CMIP: variants seen among roughly 807,000 people sequenced by gnomAD.
CMIP encodes c-Maf inducing protein, also known as C-Maf-inducing protein.
CMIP carries 13 observed loss-of-function variants against 97.3 expected under a neutral mutation model. That is an observed-to-expected ratio of 0.13 (90% CI 0.09 to 0.21). CMIP has a LOEUF of 0.21. CMIP is among the 10% of genes least tolerant of loss of function. CMIP has a pLI of 1.00. For synonymous variants in CMIP, 538 were observed against 436.3 expected (o/e 1.23, Z -2.91); for missense variants, 847 against 1,024.9 (o/e 0.83, Z 2.37).
At chr16:81,687,750 G>T (rs962271526) in intron 10 of CMIP, among the ~76,000 whole-genome samples, 1 of 152,132 alleles carries the variant, frequency 6.6e-6, no homozygotes, top group Non-Finnish European at 1.5e-5. Context: ...TTCTCTGGAC[G>T]CTCCCAGCTT....
intron 1 of CMIP, among the ~76,000 whole-genome samples, chr16:81,557,467 A>G (rs375414684): frequency 6.6e-6 from 1 of 152,228 alleles, no homozygotes; most frequent in Non-Finnish European, 1.5e-5. Context: ...TATGTATTAC[A>G]TATTTATGGA....
At chr16:81,632,291 G>C (rs2092173221) in intron 3 of CMIP, among the ~76,000 whole-genome samples, 1 of 152,168 alleles carries the variant, frequency 6.6e-6, no homozygotes, top group Non-Finnish European at 1.5e-5. Flanking sequence ...ATGAAAAGTT[G>C]GCCTCTACTC....
At chr16:81,691,666 A>G in intron 10 of CMIP, 109 bp from the exon 11 acceptor site, 1 of 819,734 alleles carries the variant, frequency 1.2e-6, no homozygotes, top group Non-Finnish European at 2.1e-6. Context: ...AGTGCCACTG[A>G]CTACCTGCCA....
At chr16:81,678,666 TG>T in intron 10 of CMIP, 38 bp downstream of exon 10, 1 of 992,604 alleles carries the variant, frequency 1.0e-6, no homozygotes, top group Non-Finnish European at 1.5e-6. Flanking sequence ...CCGGGGCCGG[TG>T]GGAGGAGACT....
intron 1 of CMIP, among the ~76,000 whole-genome samples, chr16:81,523,717 G>C (rs2090073988): frequency 6.6e-6 from 1 of 152,240 alleles, no homozygotes; most frequent in Non-Finnish European, 1.5e-5. Context: ...AGAGCACCGT[G>C]CCTGTTCTCC....
chr16:81,494,781 C>G (rs1044630131), intron 1 of CMIP, among the ~76,000 whole-genome samples: 2 of 152,166 alleles, frequency 1.3e-5, no homozygotes, highest in South Asian at 4.1e-4. Context: ...TACCCTTGTC[C>G]CCAAACAACT....
intron 1 of CMIP, among the ~76,000 whole-genome samples, chr16:81,546,021 T>C (rs1174530069): frequency 2.0e-5 from 3 of 151,810 alleles, no homozygotes; most frequent in Non-Finnish European, 2.9e-5. Context: ...AAAACGCAAA[T>C]GGCGCTCGCT....
intron 1 of CMIP, among the ~76,000 whole-genome samples, chr16:81,566,510 G>A (rs1281478802): frequency 6.6e-6 from 1 of 152,190 alleles, no homozygotes; most frequent in African/African-American, 2.4e-5. Flanking sequence ...CAGCTTTGCT[G>A]TGTGACTCTG....
intron 1 of CMIP, among the ~76,000 whole-genome samples, chr16:81,503,687 G>T (rs910273815): frequency 1.3e-5 from 2 of 152,210 alleles, no homozygotes; most frequent in Admixed American, 6.5e-5. Context: ...CTGAGCCACC[G>T]CGCCTGGCCT....
At chr16:81,574,372 T>G (rs1286063747) in intron 1 of CMIP, among the ~76,000 whole-genome samples, 1 of 152,232 alleles carries the variant, frequency 6.6e-6, no homozygotes, top group African/African-American at 2.4e-5. Context: ...TCCTGCTGGC[T>G]GGCAGGAGGA....
intron 1 of CMIP, among the ~76,000 whole-genome samples, chr16:81,582,014 G>C (rs1484545255): frequency 6.6e-6 from 1 of 152,192 alleles, no homozygotes; most frequent in African/African-American, 2.4e-5. Flanking sequence ...AGGCAAAGGA[G>C]GAGCCAGCAC....
chr16:81,471,660 G>T (rs1907566167), intron 1 of CMIP, among the ~76,000 whole-genome samples: 1 of 152,222 alleles, frequency 6.6e-6, no homozygotes, highest in African/African-American at 2.4e-5. Context: ...TGCCTGAAAT[G>T]GTGGAGAGTA....
At chr16:81,626,844 G>A (rs2092077689) in intron 3 of CMIP, among the ~76,000 whole-genome samples, 2 of 144,848 alleles carry the variant, frequency 1.4e-5, no homozygotes, top group Non-Finnish European at 1.5e-5. Flanking sequence ...ACTATTTTAT[G>A]AGTGTGTGTG....
At chr16:81,485,995 A>G (rs1427478395) in intron 1 of CMIP, among the ~76,000 whole-genome samples, 1 of 152,170 alleles carries the variant, frequency 6.6e-6, no homozygotes. Flanking sequence ...AAGCTCCCAG[A>G]CCTACTGCGG....
At chr16:81,503,664 T>C (rs1217596352) in intron 1 of CMIP, among the ~76,000 whole-genome samples, 1 of 152,234 alleles carries the variant, frequency 6.6e-6, no homozygotes, top group Non-Finnish European at 1.5e-5. Flanking sequence ...CCCAAGGTGC[T>C]GGGATTATAG....
intron 5 of CMIP, 29 bp downstream of exon 5, chr16:81,657,845 A>G (rs762691457): frequency 1.3e-6 from 2 of 1,580,242 alleles, no homozygotes; most frequent in Non-Finnish European, 1.7e-6. Context: ...CGCTCCCTCC[A>G]CCCACCTCCG....
intron 10 of CMIP, among the ~76,000 whole-genome samples, chr16:81,683,492 C>G (rs1905078655): frequency 6.6e-6 from 1 of 152,138 alleles, no homozygotes; most frequent in African/African-American, 2.4e-5. Context: ...CAGGTTCAAG[C>G]CATTCTCCTG....
intron 10 of CMIP, among the ~76,000 whole-genome samples, chr16:81,688,013 C>G (rs1453884051): frequency 6.6e-6 from 1 of 152,242 alleles, no homozygotes; most frequent in African/African-American, 2.4e-5. Context: ...CTTCAAGCCC[C>G]GGTGCGCAGG....
chr16:81,503,741 G>A lies in CMIP; in HGVS notation c.300+58200G>A, dbSNP rs115804097. Among the ~76,000 whole-genome samples, 1,284 of 152,318 alleles carry A rather than the reference G, an allele frequency of 8.4e-3. 20 individuals are homozygous for A. The highest frequency in any genetic ancestry group is 0.03 in the African/African-American group (1,227 of 41,560). On this transcript the variant is annotated intron_variant, in intron 1 of 20. Transcript: ENST00000537098. The stretch of plus-strand genomic sequence containing the variant: ...CAGTCTGGTCACCTTATCTCACTGT[G>A]GATGTCTAGAAGTGAATTCTGAATC...
Sources: gnomAD v4.1 joint callset for allele counts (sites outside exome capture counted in the v4.1 genomes callset) on GRCh38, gnomAD v4.1.1 for gene constraint, MANE v1.5 for transcripts, NCBI Gene and HGNC (gene_info 2026-07-23, HGNC 2026-07-21) for gene names.